MCM9: variants seen among roughly 807,000 people sequenced by gnomAD.
MCM9 encodes minichromosome maintenance 9 homologous recombination repair factor.
A neutral mutation model predicts 72.8 loss-of-function variants in MCM9; 55 were observed. That is an observed-to-expected ratio of 0.76 (90% confidence interval 0.61 to 0.95). MCM9 has a LOEUF of 0.95. Among genes scored for constraint, MCM9 ranks in the 40% least tolerant of loss-of-function variants. The probability of loss-of-function intolerance (pLI) is 0.00; values close to 1 mark genes in which losing one functional copy is unlikely to be tolerated. For synonymous variants in MCM9, 480 were observed against 503.4 expected, an observed-to-expected ratio of 0.95 and a Z score of 0.62; for missense variants, 1,279 against 1,377.0, an observed-to-expected ratio of 0.93 and a Z score of 1.13.
At chr6:118,909,355 T>G (rs1047076088) in intron 8 of MCM9, among the ~76,000 whole-genome samples, 3 of 152,244 alleles carry the variant, frequency 2.0e-5, no homozygotes, top group Non-Finnish European at 4.4e-5. Context: ...CAACCAATTT[T>G]CACTTAAGCT....
chr6:118,891,597 C>T (rs1407261898), intron 8 of MCM9, among the ~76,000 whole-genome samples: 8 of 152,092 alleles, frequency 5.3e-5, no homozygotes. Flanking sequence ...ATCTAAATTT[C>T]CCCTTGTGAG....
chr6:118,833,561 A>G (rs1420189529), intron 9 of MCM9, among the ~76,000 whole-genome samples: 1 of 152,232 alleles, frequency 6.6e-6, no homozygotes, highest in Non-Finnish European at 1.5e-5. Context: ...TGGATAAGGA[A>G]AACGCGGTCT....
chr6:118,872,856 A>T (rs1293928931), intron 8 of MCM9, among the ~76,000 whole-genome samples: 1 of 152,032 alleles, frequency 6.6e-6, no homozygotes, highest in Non-Finnish European at 1.5e-5. Context: ...AAATTTAATC[A>T]GAAGAGAAAT....
At chr6:118,823,173 C>A (rs995609832) in intron 13 of MCM9, among the ~76,000 whole-genome samples, 1 of 152,176 alleles carries the variant, frequency 6.6e-6, no homozygotes, top group African/African-American at 2.4e-5. Flanking sequence ...ACTCCTGAAG[C>A]TAGCTCAGTG....
chr6:118,877,254 G>GA (rs1301948339), intron 8 of MCM9, among the ~76,000 whole-genome samples: 1 of 152,146 alleles, frequency 6.6e-6, no homozygotes, highest in African/African-American at 2.4e-5. Context: ...ACATGGAACA[G>GA]AAAAAACCTG....
At position 118,879,480 on chromosome 6, in the gene MCM9, A is replaced by G. The variant is rs141346449; in HGVS notation, c.1151-22935T>C. Among the ~76,000 whole-genome samples, 1,430 of 151,660 alleles carry G rather than the reference A, an allele frequency of 9.4e-3. 15 individuals carry two copies. Among genetic ancestry groups the G allele is most frequent in the Non-Finnish European group, 0.013 (862 of 67,856 alleles). On this transcript the variant is annotated intron_variant, in intron 8 of 13. Coordinates refer to ENST00000619706, the MANE Select transcript of MCM9 (RefSeq NM_017696.3). ...CACAAGTGTAGATATCTGTTAGACA[A>G]CTTCTAGAGGATCTATGCACAAAAT...
intron 8 of MCM9, among the ~76,000 whole-genome samples, chr6:118,898,400 A>G (rs946306980): frequency 6.6e-6 from 1 of 152,050 alleles, no homozygotes; most frequent in African/African-American, 2.4e-5. Context: ...ATGAAATTAA[A>G]ATTCATGAAA....
In MCM9 at chr6:118,829,109, C is replaced by A. The variant is rs1216288443; in HGVS notation, c.1467G>T (p.Leu489Phe). ...CCCAGTCTTCATTCTTGGTATCAAG[C>A]AAAACCAGGATCAGGTCAAATCGAC... ...LLSRFDLILV[L>F]LDTKNEDWDR... The change falls in exon 10 of 14, where the codon TTG becomes TTT. Residue 489 changes from leucine (L) to phenylalanine (F), a missense_variant. Physicochemically the swap from Leu to Phe is conservative, Grantham distance 22. Coordinates refer to ENST00000619706, the MANE Select transcript of MCM9 (RefSeq NM_017696.3). 1.9e-6 allele frequency: 3 copies of A among 1,550,496 alleles called. No individual in the cohort carries two copies. In the African/African-American group the frequency reaches 4.1e-5, roughly 21 times the overall value.
At chr6:118,845,159 G>A (rs2114638684) in intron 9 of MCM9, among the ~76,000 whole-genome samples, 1 of 151,900 alleles carries the variant, frequency 6.6e-6, no homozygotes, top group South Asian at 2.1e-4. Flanking sequence ...AAGAACAGCT[G>A]AATAAGCCTA....
chr6:118,897,757 T>C (rs774881294), intron 8 of MCM9, among the ~76,000 whole-genome samples: 3 of 152,118 alleles, frequency 2.0e-5, no homozygotes, highest in Non-Finnish European at 2.9e-5. Context: ...TGAGAACTTA[T>C]GTAAAACATC....
chr6:118,905,517 T>G (rs1226085747), intron 8 of MCM9: 14 of 629,966 alleles, frequency 2.2e-5, no homozygotes, highest in Non-Finnish European at 3.5e-5. Context: ...ATGAGCATTT[T>G]CCTTCCCAGT....
intron 8 of MCM9, among the ~76,000 whole-genome samples, chr6:118,902,472 T>A (rs1779866574): frequency 6.6e-6 from 1 of 152,062 alleles, no homozygotes; most frequent in South Asian, 2.1e-4. Flanking sequence ...AACCCATACT[T>A]TACTGATAAT....
chr6:118,829,270 A>G lies in MCM9; in HGVS notation c.1326-20T>C. On this transcript the variant is annotated intron_variant, in intron 9 of 13. Transcript: ENST00000619706. Reference sequence around the variant, plus strand: ...ACGAGGCTGCCAGGAGAGACAGTACAATTCACTGATTGTGAGGTTCAGATA... The same window carrying G: ...ACGAGGCTGCCAGGAGAGACAGTACGATTCACTGATTGTGAGGTTCAGATA... 1.3e-6 allele frequency: 2 copies of G among 1,531,732 alleles called. No homozygotes were observed. Among genetic ancestry groups the G allele is most frequent in the Non-Finnish European group, 1.8e-6 (2 of 1,133,430 alleles). The allele number at this position is 1,531,732 out of a possible 1,614,324, so 94.9% of individuals were successfully genotyped here.
At chr6:118,933,132 G>C (rs1205637895) in intron 1 of MCM9, among the ~76,000 whole-genome samples, 1 of 152,174 alleles carries the variant, frequency 6.6e-6, no homozygotes, top group Non-Finnish European at 1.5e-5. Context: ...AAAGGAGAGG[G>C]AGGTTAAATT....
chr6:118,861,128 T>C (rs1467380308), intron 8 of MCM9, among the ~76,000 whole-genome samples: 1 of 152,162 alleles, frequency 6.6e-6, no homozygotes, highest in African/African-American at 2.4e-5. Flanking sequence ...CCAGCTGTGG[T>C]GGAGCGGGCA....
chr6:118,862,375 G>A (rs1776960416), intron 8 of MCM9, among the ~76,000 whole-genome samples: 1 of 152,208 alleles, frequency 6.6e-6, no homozygotes, highest in Non-Finnish European at 1.5e-5. Context: ...CTCAGCAGTT[G>A]CTCCAAATGG....
chr6:118,816,610 A>G (rs544005858), intron 13 of MCM9, among the ~76,000 whole-genome samples: 1 of 152,322 alleles, frequency 6.6e-6, no homozygotes, highest in South Asian at 2.1e-4. Context: ...TTTGAAGATC[A>G]GTGTAAAATC....
intron 9 of MCM9, among the ~76,000 whole-genome samples, chr6:118,837,449 T>C (rs551415520): frequency 1.8e-4 from 28 of 152,266 alleles, no homozygotes; most frequent in African/African-American, 6.7e-4. Context: ...CGTTGATCTG[T>C]CTAATATTGA....
At chr6:118,894,211 T>C in intron 8 of MCM9, 7 of 1,403,794 alleles carry the variant, frequency 5.0e-6, no homozygotes, top group Non-Finnish European at 6.5e-6. Context: ...GAATGGGCTG[T>C]AGTTTAGTGA....
Sources: allele counts gnomAD v4.1 joint callset (sites outside exome capture counted in the v4.1 genomes callset), GRCh38; gene constraint gnomAD v4.1.1; transcripts MANE v1.5; gene names NCBI Gene and HGNC (gene_info 2026-07-23, HGNC 2026-07-21).